MCU: variants seen among roughly 807,000 people sequenced by gnomAD.
MCU encodes the protein calcium uniporter protein, mitochondrial.
A neutral mutation model predicts 45.2 loss-of-function variants in MCU; 12 were observed. The ratio of observed to expected loss-of-function variants is 0.27; its 90% CI spans 0.17 to 0.43. The LOEUF is 0.43. MCU is among the 20% of genes least tolerant of loss of function. MCU has a pLI of 1.00. For synonymous variants in MCU, 160 were observed against 165.1 expected, an observed-to-expected ratio of 0.97 and a Z score of 0.24; for missense variants, 324 against 436.7, an observed-to-expected ratio of 0.74 and a Z score of 2.30.
chr10:72,871,534 A>G lies in MCU; in HGVS notation c.815A>G (p.Tyr272Cys), dbSNP rs1845542372. The change falls in exon 6 of 8, where the codon TAT (tyrosine) becomes TGT (cysteine). Residue 272 changes from tyrosine to cysteine, a missense_variant. By Grantham distance (194) the Tyr-to-Cys change is radical. This residue lies in a region of MCU where 76 missense variants were observed against 99.4 expected (regional missense o/e 0.76). Transcript: ENST00000373053. Reference protein sequence around the residue: ...IMEPVTYFITYGSAMAMYAYF... With the variant: ...IMEPVTYFITCGSAMAMYAYF... ...GAGCCAGTAACATACTTCATCACTT[A>G]TGGAAGTGCCATGGCAATGTATGCA... The G allele has an allele frequency of 6.2e-7, 1 of 1,614,220 alleles. No homozygotes were observed. Among genetic ancestry groups the G allele is most frequent in the South Asian group, 1.1e-5 (1 of 91,084 alleles).
intron 2 of MCU, among the ~76,000 whole-genome samples, chr10:72,852,782 A>T (rs530321079): frequency 1.3e-5 from 2 of 152,250 alleles, no homozygotes; most frequent in East Asian, 1.9e-4. Flanking sequence ...GGAAATCTGC[A>T]TAGGCATCCT....
chr10:72,885,653 T>C lies in MCU; in HGVS notation c.979-92T>C, dbSNP rs147874132. The C allele has an allele frequency of 1.0e-2, 7,995 of 802,240 alleles. 58 individuals carry two copies. Among genetic ancestry groups the C allele is most frequent in the Non-Finnish European group, 0.014 (6,393 of 470,346 alleles). 49.7% of individuals were successfully genotyped at this position (802,240 alleles called of 1,614,324 possible). On this transcript the variant is annotated intron_variant, in intron 7 of 7. Transcript: ENST00000373053. ...TTATTGAGATGATCTCTCTGACTTATAGTAATGGAGAACAGTTTCCTTTTC... is the reference window on the plus strand; with the variant it reads ...TTATTGAGATGATCTCTCTGACTTACAGTAATGGAGAACAGTTTCCTTTTC...
At chr10:72,884,094 T>G (rs1845744204) in intron 6 of MCU, among the ~76,000 whole-genome samples, 172 bp from the exon 7 acceptor site, 1 of 152,196 alleles carries the variant, frequency 6.6e-6, no homozygotes, top group South Asian at 2.1e-4. Flanking sequence ...ACATTTTGTG[T>G]GTACTGTTCT....
At chr10:72,747,015 GCTAAAAATATAAA>G (rs1408558355) in intron 1 of MCU, among the ~76,000 whole-genome samples, 2 of 152,194 alleles carry the variant, frequency 1.3e-5, no homozygotes, top group African/African-American at 4.8e-5. Context: ...ACCAAAACCA[GCTAAAAATATAAA>G]CTAAAAATAT....
intron 1 of MCU, among the ~76,000 whole-genome samples, chr10:72,712,103 A>G (rs1217714259): frequency 1.3e-5 from 2 of 152,018 alleles, no homozygotes; most frequent in Admixed American, 1.3e-4. Context: ...ATTTTTAACT[A>G]CTTTGGCGTT....
chr10:72,725,046 C>T (rs955266051), intron 1 of MCU, among the ~76,000 whole-genome samples: 3 of 151,578 alleles, frequency 2.0e-5, no homozygotes, highest in Non-Finnish European at 4.4e-5. Context: ...TCTCCTGAGC[C>T]TCGACTTCCT....
At chr10:72,759,006 TGTA>T (rs1234832920) in intron 1 of MCU, among the ~76,000 whole-genome samples, 1 of 152,302 alleles carries the variant, frequency 6.6e-6, no homozygotes, top group African/African-American at 2.4e-5. Context: ...CCTGTTTAGT[TGTA>T]TTATTAAGGT....
intron 1 of MCU, among the ~76,000 whole-genome samples, chr10:72,788,841 C>T (rs1182715090): frequency 6.6e-6 from 1 of 152,146 alleles, no homozygotes; most frequent in African/African-American, 2.4e-5. Context: ...TAGTCCATAG[C>T]AAACCGTATT....
chr10:72,710,543 GTTTTTTTTTTTTTTT>G (rs555887994), intron 1 of MCU, among the ~76,000 whole-genome samples: 1 of 84,290 alleles, frequency 1.2e-5, no homozygotes, highest in South Asian at 4.5e-4. Context: ...ATCACCTAAG[GTTTTTTTTTTTTTTT>G]TTTTTTTTTT....
intron 1 of MCU, among the ~76,000 whole-genome samples, chr10:72,719,987 T>TGAGGGACTCCCACTCAGGAGTCC (rs1842999961): frequency 6.6e-6 from 1 of 152,192 alleles, no homozygotes; most frequent in Admixed American, 6.5e-5. Context: ...CCCTCCCACT[T>TGAGGGACTCCCACTCAGGAGTCC]CAGCCTCCTG....
At chr10:72,699,273 G>A (rs979708399) in intron 1 of MCU, among the ~76,000 whole-genome samples, 2 of 152,100 alleles carry the variant, frequency 1.3e-5, no homozygotes, top group African/African-American at 4.8e-5. Flanking sequence ...TTGGGAGGCC[G>A]AGGCGGGCGG....
At chr10:72,815,667 C>A (rs1844614647) in intron 1 of MCU, among the ~76,000 whole-genome samples, 1 of 152,176 alleles carries the variant, frequency 6.6e-6, no homozygotes, top group African/African-American at 2.4e-5. Flanking sequence ...CACGGATGTG[C>A]TCTAGCATGG....
At chr10:72,733,230 G>A (rs559969698) in intron 1 of MCU, among the ~76,000 whole-genome samples, 19 of 152,310 alleles carry the variant, frequency 1.2e-4, no homozygotes, top group African/African-American at 3.4e-4. Flanking sequence ...ATGCTGAGGC[G>A]GGTGGATCAC....
At chr10:72,832,402 CAAAATT>C (rs1216608414) in intron 1 of MCU, among the ~76,000 whole-genome samples, 2 of 152,074 alleles carry the variant, frequency 1.3e-5, no homozygotes, top group East Asian at 3.9e-4. Context: ...GAAAGGATAA[CAAAATT>C]AAAGAACACA....
At chr10:72,727,635 G>A (rs1379436517) in intron 1 of MCU, among the ~76,000 whole-genome samples, 1 of 151,988 alleles carries the variant, frequency 6.6e-6, no homozygotes, top group African/African-American at 2.4e-5. Context: ...TCTTCGTGTT[G>A]GTTCCCGAGT....
intron 6 of MCU, among the ~76,000 whole-genome samples, chr10:72,879,105 A>G (rs992520065): frequency 6.6e-6 from 1 of 152,126 alleles, no homozygotes; most frequent in Non-Finnish European, 1.5e-5. Context: ...CTCTACTAAG[A>G]ATACAAAAAT....
chr10:72,821,240 A>C (rs1369448151), intron 1 of MCU, among the ~76,000 whole-genome samples: 1 of 150,370 alleles, frequency 6.7e-6, no homozygotes, highest in Non-Finnish European at 1.5e-5. Flanking sequence ...TTTTTTTTTA[A>C]CTAAAACTTT....
intron 1 of MCU, among the ~76,000 whole-genome samples, chr10:72,785,337 A>G (rs1423264664): frequency 6.6e-6 from 1 of 151,944 alleles, no homozygotes; most frequent in Non-Finnish European, 1.5e-5. Context: ...GCTGCCCCCT[A>G]CCACTTAGGT....
At chr10:72,747,986 A>G (rs1465115390) in intron 1 of MCU, among the ~76,000 whole-genome samples, 1 of 151,806 alleles carries the variant, frequency 6.6e-6, no homozygotes, top group Non-Finnish European at 1.5e-5. Flanking sequence ...TCACTATTCA[A>G]TATAAAAATT....
Sources: allele counts gnomAD v4.1 joint callset (sites outside exome capture counted in the v4.1 genomes callset), GRCh38; gene constraint gnomAD v4.1.1; regional missense constraint gnomAD v4.1.1; transcripts MANE v1.5; gene names NCBI Gene and HGNC (gene_info 2026-07-23, HGNC 2026-07-21).